The following GRID2 variants were observed in gnomAD, a reference collection of about 807,000 sequenced individuals.
GRID2 encodes glutamate receptor ionotropic, delta-2.
Under a neutral mutation model 114.8 loss-of-function variants are expected in GRID2, and 33 were observed. The ratio of observed to expected loss-of-function variants is 0.29; its 90% CI spans 0.22 to 0.38. GRID2 has a LOEUF of 0.38. GRID2 is among the 10% of genes least tolerant of loss of function. The pLI is 1.00. For missense variants in GRID2, 1,184 were observed against 1,257.7 expected (o/e 0.94, Z 0.89); for synonymous variants, 505 against 449.9 (o/e 1.12, Z -1.55).
intron 6 of GRID2, among the ~76,000 whole-genome samples, chr4:93,217,779 G>A (rs1056557442): frequency 6.6e-6 from 1 of 152,048 alleles, no homozygotes; most frequent in African/African-American, 2.4e-5. Flanking sequence ...AGGTATCACT[G>A]CAGTATAATG....
chr4:93,399,829 A>T (rs1765705468), intron 9 of GRID2, among the ~76,000 whole-genome samples: 2 of 152,122 alleles, frequency 1.3e-5, no homozygotes, highest in African/African-American at 4.8e-5. Context: ...AGTAAGGAAG[A>T]CCATGAAAGT....
At chr4:93,295,994 G>A (rs1331017975) in intron 8 of GRID2, among the ~76,000 whole-genome samples, 1 of 152,110 alleles carries the variant, frequency 6.6e-6, no homozygotes, top group Non-Finnish European at 1.5e-5. Flanking sequence ...TCCTATGGCT[G>A]TCCTAATAAA....
chr4:93,685,568 C>A (rs866780511), intron 14 of GRID2, among the ~76,000 whole-genome samples: 2 of 152,068 alleles, frequency 1.3e-5, no homozygotes, highest in Non-Finnish European at 1.5e-5. Context: ...TAATGTCTGA[C>A]CTATAGTAGG....
intron 10 of GRID2, among the ~76,000 whole-genome samples, chr4:93,442,797 C>T (rs72886206): frequency 0.1 from 15,337 of 152,050 alleles, 2,054 homozygotes; most frequent in African/African-American, 0.31. Flanking sequence ...GGCTTTTATT[C>T]CTCACAATGC....
intron 2 of GRID2, among the ~76,000 whole-genome samples, chr4:92,997,652 A>G (rs952282145): frequency 6.6e-6 from 1 of 152,166 alleles, no homozygotes; most frequent in African/African-American, 2.4e-5. Context: ...GTGAAGGCCT[A>G]ATGGTTTTAG....
intron 1 of GRID2, among the ~76,000 whole-genome samples, chr4:92,356,526 AC>A (rs751945495): frequency 2.0e-5 from 3 of 151,692 alleles, no homozygotes; most frequent in Non-Finnish European, 4.4e-5. Flanking sequence ...CATATATGCT[AC>A]ATATATGTAT....
At chr4:93,082,672 T>A (rs1168653732) in intron 2 of GRID2, among the ~76,000 whole-genome samples, 2 of 152,222 alleles carry the variant, frequency 1.3e-5, no homozygotes, top group African/African-American at 4.8e-5. Flanking sequence ...CATTATATGC[T>A]TTCTGGCTGC....
chr4:92,457,098 C>G (rs1413213960), intron 1 of GRID2, among the ~76,000 whole-genome samples: 3 of 152,058 alleles, frequency 2.0e-5, no homozygotes, highest in Non-Finnish European at 2.9e-5. Context: ...GGTTTTCTTA[C>G]CTTGAGGTCA....
chr4:92,480,363 T>C (rs1722523156), intron 1 of GRID2, among the ~76,000 whole-genome samples: 1 of 152,152 alleles, frequency 6.6e-6, no homozygotes, highest in African/African-American at 2.4e-5. Flanking sequence ...CAATATAGTG[T>C]TGAAATATAA....
intron 2 of GRID2, among the ~76,000 whole-genome samples, chr4:92,993,550 T>C (rs1755030967): frequency 6.6e-6 from 1 of 152,212 alleles, no homozygotes; most frequent in Non-Finnish European, 1.5e-5. Context: ...AATGTTAAAA[T>C]TAATCTCCAT....
At position 92,392,515 on chromosome 4, in the gene GRID2, G is replaced by A. The variant is rs562566578; in HGVS notation, c.88+87771G>A. Reference sequence around the variant, plus strand: ...GATGGCACCACTGCACTCCAGCCTGGCAGCAGAGTGAGACTCTGTCTCAAA... The same window carrying A: ...GATGGCACCACTGCACTCCAGCCTGACAGCAGAGTGAGACTCTGTCTCAAA... On this transcript the variant is annotated intron_variant, in intron 1 of 15. Transcript: ENST00000282020. Among the ~76,000 whole-genome samples the A allele has an allele frequency of 1.4e-4, 22 of 152,018 alleles. No individual in the cohort carries two copies. The South Asian group carries it at 4.2e-3, about 29-fold the overall frequency.
chr4:92,324,129 T>G (rs1726469214), intron 1 of GRID2, among the ~76,000 whole-genome samples: 1 of 152,048 alleles, frequency 6.6e-6, no homozygotes, highest in African/African-American at 2.4e-5. Flanking sequence ...TAACCCAGTG[T>G]TTGGAGAACT....
chr4:92,338,849 T>A (rs1727327612), intron 1 of GRID2, among the ~76,000 whole-genome samples: 1 of 152,086 alleles, frequency 6.6e-6, no homozygotes, highest in South Asian at 2.1e-4. Context: ...ATCTAATATT[T>A]AGTTATTCTC....
chr4:92,873,009 T>G (rs536883430), intron 2 of GRID2, among the ~76,000 whole-genome samples: 1 of 152,310 alleles, frequency 6.6e-6, no homozygotes, highest in East Asian at 1.9e-4. Flanking sequence ...CAAGATGGAA[T>G]TGCTTTAGCT....
At chr4:92,502,603 A>G (rs1175597608) in intron 1 of GRID2, among the ~76,000 whole-genome samples, 1 of 151,988 alleles carries the variant, frequency 6.6e-6, no homozygotes, top group Non-Finnish European at 1.5e-5. Flanking sequence ...ATTTTGATAC[A>G]AAGATATGTT....
intron 14 of GRID2, among the ~76,000 whole-genome samples, chr4:93,694,478 T>C (rs1008310653): frequency 2.6e-5 from 4 of 152,230 alleles, no homozygotes; most frequent in African/African-American, 9.6e-5. Context: ...TTGCGATCCA[T>C]GTATGATGCA....
chr4:92,704,195 A>G (rs374846293), intron 2 of GRID2, among the ~76,000 whole-genome samples: 19 of 152,194 alleles, frequency 1.2e-4, no homozygotes, highest in Non-Finnish European at 2.4e-4. Flanking sequence ...GGAGAATGGC[A>G]TGAATCCGGG....
At chr4:93,462,280 G>A (rs868811239) in intron 11 of GRID2, among the ~76,000 whole-genome samples, 4 of 152,080 alleles carry the variant, frequency 2.6e-5, no homozygotes, top group Non-Finnish European at 5.9e-5. Context: ...TCAACATCAC[G>A]CCGATGGATC....
At chr4:92,441,064 G>C (rs879023759) in intron 1 of GRID2, among the ~76,000 whole-genome samples, 1 of 151,994 alleles carries the variant, frequency 6.6e-6, no homozygotes, top group Admixed American at 6.6e-5. Flanking sequence ...GCAGACATGA[G>C]GGCTAGGCTA....
Sources: allele counts gnomAD v4.1 joint callset (sites outside exome capture counted in the v4.1 genomes callset), GRCh38; gene constraint gnomAD v4.1.1; transcripts MANE v1.5; gene names NCBI Gene and HGNC (gene_info 2026-07-23, HGNC 2026-07-21).